Variants in IFT43 observed in about 807,000 individuals in gnomAD.
IFT43 encodes intraflagellar transport 43.
IFT43 carries 33 observed loss-of-function variants against 32.3 expected under a neutral mutation model. The ratio of observed to expected loss-of-function variants is 1.02; its 90% CI spans 0.77 to 1.37. IFT43 has a LOEUF of 1.37. IFT43 is among the 40% of genes most tolerant of loss of function. The pLI, the probability that IFT43 is intolerant of heterozygous loss-of-function variation, is 0.00. For synonymous variants in IFT43, 93 were observed against 98.2 expected (o/e 0.95, Z 0.31); for missense variants, 274 against 265.9 (o/e 1.03, Z -0.21).
At chr14:76,020,321 T>C (rs1424361709) in intron 2 of IFT43, among the ~76,000 whole-genome samples, 3 of 152,208 alleles carry the variant, frequency 2.0e-5, no homozygotes, top group Admixed American at 6.5e-5. Context: ...TGAGTTTCTT[T>C]AATATCATTG....
intron 3 of IFT43, among the ~76,000 whole-genome samples, chr14:76,049,200 C>T (rs557235774): frequency 3.1e-4 from 47 of 152,326 alleles, no homozygotes; most frequent in African/African-American, 1.0e-3. Flanking sequence ...CATCCAGTCT[C>T]GTTTATCTCC....
chr14:76,039,197 A>G (rs888659942), intron 3 of IFT43, among the ~76,000 whole-genome samples: 2 of 150,364 alleles, frequency 1.3e-5, no homozygotes, highest in African/African-American at 2.5e-5. Context: ...TGGGGATGTG[A>G]TCATAGTTCA....
intron 3 of IFT43, among the ~76,000 whole-genome samples, chr14:76,049,863 C>A (rs1373095065): frequency 7.4e-6 from 1 of 134,680 alleles, no homozygotes; most frequent in Admixed American, 7.6e-5. Context: ...TGGTTAATTT[C>A]AAGCCCCCAA....
At chr14:75,986,178 G>A in intron 1 of IFT43, 1 of 1,329,038 alleles carries the variant, frequency 7.5e-7, no homozygotes, top group Non-Finnish European at 9.8e-7. Flanking sequence ...TGATAGGGGA[G>A]CCCCGGCCGG....
intron 2 of IFT43, among the ~76,000 whole-genome samples, chr14:75,997,346 A>G (rs1036111801): frequency 2.0e-5 from 3 of 152,228 alleles, no homozygotes; most frequent in South Asian, 2.1e-4. Flanking sequence ...CAAATGACCT[A>G]TATGAGGTCA....
At chr14:76,039,160 T>A (rs554425031) in intron 3 of IFT43, among the ~76,000 whole-genome samples, 1 of 151,420 alleles carries the variant, frequency 6.6e-6, no homozygotes, top group East Asian at 1.9e-4. Flanking sequence ...TTAGACAGGG[T>A]CTCATTCTGT....
intron 1 of IFT43, chr14:75,986,298 C>G: frequency 8.0e-7 from 1 of 1,255,492 alleles, no homozygotes; most frequent in Non-Finnish European, 1.0e-6. Flanking sequence ...CAGGGACGGC[C>G]TTTCTTCCCG....
At chr14:76,078,496 A>G (rs2037450490) in intron 5 of IFT43, among the ~76,000 whole-genome samples, 1 of 152,176 alleles carries the variant, frequency 6.6e-6, no homozygotes, top group South Asian at 2.1e-4. Context: ...TACCTTTCAC[A>G]TAGTGGGTGT....
chr14:76,024,966 G>A (rs1025940789), intron 3 of IFT43, among the ~76,000 whole-genome samples: 9 of 152,242 alleles, frequency 5.9e-5, no homozygotes, highest in African/African-American at 2.2e-4. Context: ...ATAGATGCCT[G>A]TAAGTCAGAA....
chr14:76,083,388 A>G, intron 8 of IFT43, 70 bp from the exon 9 acceptor site: 1 of 1,613,874 alleles, frequency 6.2e-7, no homozygotes, highest in East Asian at 2.2e-5. Context: ...CCTGGATGGG[A>G]GGGAGAAGTC....
intron 2 of IFT43, among the ~76,000 whole-genome samples, chr14:76,009,935 C>T (rs779830115): frequency 2.0e-5 from 3 of 152,134 alleles, no homozygotes; most frequent in Admixed American, 6.5e-5. Context: ...GCTGGGACTA[C>T]AGGTACATGC....
At chr14:76,071,928 C>A (rs1158712288) in intron 5 of IFT43, among the ~76,000 whole-genome samples, 1 of 152,032 alleles carries the variant, frequency 6.6e-6, no homozygotes, top group Admixed American at 6.5e-5. Flanking sequence ...CTGCTCACAG[C>A]CCTACTTATG....
chr14:76,067,320 C>G lies in IFT43; in HGVS notation c.295+7947C>G, dbSNP rs192033596. 8.6e-4 allele frequency among the ~76,000 whole-genome samples: 131 copies of G among 152,190 alleles called. 1 individual carries two copies. Among genetic ancestry groups the G allele is most frequent in the African/African-American group, 3.0e-3 (125 of 41,526 alleles). On this transcript the variant is annotated intron_variant, in intron 5 of 8. Transcript: ENST00000314067. ...GTGGCTCACGCCTGTAATCTCAGCA[C>G]TTTGGGAGACCGAGGTGGGTGGATC...
chr14:76,015,482 TG>T (rs1382005358), intron 2 of IFT43, among the ~76,000 whole-genome samples: 2 of 152,192 alleles, frequency 1.3e-5, no homozygotes, highest in African/African-American at 4.8e-5. Context: ...ATCTCAATGT[TG>T]GGGTGGAGGA....
intron 3 of IFT43, among the ~76,000 whole-genome samples, chr14:76,037,772 G>A (rs371479062): frequency 6.6e-6 from 1 of 151,542 alleles, no homozygotes; most frequent in South Asian, 2.1e-4. Flanking sequence ...AGTAACAAGC[G>A]AGTGGTTACT....
intron 2 of IFT43, among the ~76,000 whole-genome samples, chr14:76,022,126 C>A (rs772819153): frequency 1.3e-5 from 2 of 152,146 alleles, no homozygotes; most frequent in Non-Finnish European, 2.9e-5. Flanking sequence ...TGGTGGGCGC[C>A]TATAATCCCA....
At chr14:76,076,461 A>G in intron 5 of IFT43, 2 of 1,326,680 alleles carry the variant, frequency 1.5e-6, no homozygotes, top group Non-Finnish European at 2.1e-6. Flanking sequence ...GGTGGGACCC[A>G]GGGGCCAGAT....
chr14:76,076,424 G>A (rs1203539284), intron 5 of IFT43: 3 of 325,674 alleles, frequency 9.2e-6, no homozygotes, highest in Non-Finnish European at 1.3e-5. Context: ...AGAGGAAAAA[G>A]CTCCCTGCCT....
chr14:76,081,622 G>A (rs192459297), intron 5 of IFT43, among the ~76,000 whole-genome samples: 29 of 152,332 alleles, frequency 1.9e-4, no homozygotes, highest in Admixed American at 5.9e-4. Flanking sequence ...GTGTCTCCTC[G>A]TATGTTGTCT....
Sources: gnomAD v4.1 joint callset for allele counts (sites outside exome capture counted in the v4.1 genomes callset) on GRCh38, gnomAD v4.1.1 for gene constraint, MANE v1.5 for transcripts, NCBI Gene and HGNC (gene_info 2026-07-23, HGNC 2026-07-21) for gene names.